RBMS1: variants seen among roughly 807,000 people sequenced by gnomAD.
RBMS1 encodes the protein RNA binding motif single stranded interacting protein 1.
RBMS1 carries 17 observed loss-of-function variants against 62.3 expected under a neutral mutation model. The ratio of observed to expected loss-of-function variants is 0.27; its 90% CI spans 0.19 to 0.41. The LOEUF (loss-of-function observed/expected upper bound fraction) is 0.41. Ranked by LOEUF, RBMS1 falls within the 10% of genes least tolerant of loss-of-function variation. RBMS1 has a pLI of 1.00. For missense variants in RBMS1, 334 were observed against 504.5 expected, an observed-to-expected ratio of 0.66 and a Z score of 3.24; for synonymous variants, 172 against 170.0, an observed-to-expected ratio of 1.01 and a Z score of -0.09.
intron 12 of RBMS1, among the ~76,000 whole-genome samples, chr2:160,276,219 T>A (rs1687823802): frequency 6.6e-6 from 1 of 152,210 alleles, no homozygotes; most frequent in African/African-American, 2.4e-5. Context: ...TATGCTAAAG[T>A]AGTTACAAAG....
At chr2:160,490,471 T>C (rs540561435) in intron 1 of RBMS1, among the ~76,000 whole-genome samples, 103 of 152,252 alleles carry the variant, frequency 6.8e-4, no homozygotes, top group African/African-American at 2.3e-3. Context: ...TGGAGACATA[T>C]TACTTTTTCT....
intron 2 of RBMS1, among the ~76,000 whole-genome samples, chr2:160,357,873 T>G (rs768010863): frequency 6.6e-6 from 1 of 152,158 alleles, no homozygotes; most frequent in Non-Finnish European, 1.5e-5. Context: ...GGTTCTCTAT[T>G]GGGAAGCAGG....
chr2:160,392,715 G>C (rs1172537749), intron 1 of RBMS1, among the ~76,000 whole-genome samples: 1 of 152,132 alleles, frequency 6.6e-6, no homozygotes, highest in African/African-American at 2.4e-5. Context: ...AACATAGTGA[G>C]ATCTTATCTC....
rs1415550918 is a variant in RBMS1 at position 160,300,534 on chromosome 2, A to C, written c.640+117T>G. ...TAAGTCTTATTTCTAAATCCAACAA[A>C]ATGCATCTTAAAGAGTGAAATGAGG... On this transcript the variant is annotated intron_variant, in intron 6 of 13. Transcript: ENST00000348849. 3 of 1,327,186 alleles carry C rather than the reference A, an allele frequency of 2.3e-6. No homozygotes were observed. The African/African-American group carries it at 4.5e-5, about 20-fold the overall frequency. 82.2% of individuals were successfully genotyped at this position (1,327,186 alleles called of 1,614,324 possible).
chr2:160,323,907 T>C (rs1484141211), intron 2 of RBMS1, among the ~76,000 whole-genome samples: 1 of 152,214 alleles, frequency 6.6e-6, no homozygotes, highest in African/African-American at 2.4e-5. Flanking sequence ...TTACTAAAAC[T>C]TCTTTAGTTT....
intron 2 of RBMS1, among the ~76,000 whole-genome samples, chr2:160,324,766 A>C (rs62177269): frequency 0.076 from 11,574 of 151,436 alleles, 622 homozygotes; most frequent in South Asian, 0.19. Flanking sequence ...CATCAACATC[A>C]GAAAACTTAT....
chr2:160,380,391 C>A (rs527242492), intron 1 of RBMS1, among the ~76,000 whole-genome samples: 1 of 152,218 alleles, frequency 6.6e-6, no homozygotes, highest in East Asian at 1.9e-4. Context: ...ACAGGGCAGA[C>A]AGGAACAGCA....
intron 1 of RBMS1, among the ~76,000 whole-genome samples, chr2:160,462,071 G>C (rs1052474512): frequency 6.6e-6 from 1 of 152,230 alleles, no homozygotes; most frequent in Non-Finnish European, 1.5e-5. Context: ...TTTTCAGCTA[G>C]TGGATGCCTC....
chr2:160,435,481 G>C (rs1188769338), intron 1 of RBMS1, among the ~76,000 whole-genome samples: 1 of 152,172 alleles, frequency 6.6e-6, no homozygotes, highest in African/African-American at 2.4e-5. Context: ...TTTCTTCAGA[G>C]TATTTAATAA....
chr2:160,311,828 T>G (rs1689940282), intron 4 of RBMS1, among the ~76,000 whole-genome samples: 1 of 152,222 alleles, frequency 6.6e-6, no homozygotes, highest in Non-Finnish European at 1.5e-5. Context: ...TTTAAAAAAT[T>G]TAATTAATTA....
chr2:160,383,133 C>T (rs1236801963), intron 1 of RBMS1, among the ~76,000 whole-genome samples: 1 of 152,174 alleles, frequency 6.6e-6, no homozygotes, highest in Non-Finnish European at 1.5e-5. Context: ...AATGCATTCT[C>T]TCCCAATTCA....
At chr2:160,352,551 T>C (rs1395011614) in intron 2 of RBMS1, among the ~76,000 whole-genome samples, 3 of 152,148 alleles carry the variant, frequency 2.0e-5, no homozygotes, top group Non-Finnish European at 4.4e-5. Flanking sequence ...ACATCTACAT[T>C]AAGTTGCTTC....
intron 1 of RBMS1, among the ~76,000 whole-genome samples, chr2:160,408,266 G>C (rs1006420147): frequency 6.6e-5 from 10 of 151,662 alleles, no homozygotes; most frequent in African/African-American, 1.7e-4. Flanking sequence ...GACCACTCTG[G>C]CACCTCGGTC....
At chr2:160,472,760 T>A (rs1684972869) in intron 1 of RBMS1, among the ~76,000 whole-genome samples, 2 of 152,202 alleles carry the variant, frequency 1.3e-5, no homozygotes. Context: ...TCTTTGACAG[T>A]CACAGAAATA....
intron 1 of RBMS1, among the ~76,000 whole-genome samples, chr2:160,387,275 A>G (rs532739467): frequency 7.2e-5 from 11 of 152,094 alleles, no homozygotes; most frequent in Non-Finnish European, 1.5e-4. Flanking sequence ...GGCAAGTGAG[A>G]TTACATTACA....
At chr2:160,465,455 C>T (rs534194683) in intron 1 of RBMS1, among the ~76,000 whole-genome samples, 2 of 152,268 alleles carry the variant, frequency 1.3e-5, no homozygotes, top group South Asian at 2.1e-4. Flanking sequence ...AAAGAAGCAC[C>T]GCTTTTTTGG....
Position 160,493,380 on chromosome 2 carries a change from C to T in RBMS1, c.-17G>A, listed in dbSNP as rs1450056176. 11 of 1,612,306 alleles carry T rather than the reference C, an allele frequency of 6.8e-6. No homozygotes were observed. The Admixed American group carries it at 1.5e-4, about 22-fold the overall frequency. On this transcript the variant is annotated 5_prime_UTR_variant, in exon 1 of 14. Transcript: ENST00000348849. ...TTTGCCCATGAAGCTGGAAGGGAGCCTGCCGTGCAGGGTCGCGGACACTTT... is the reference window on the plus strand; with the variant it reads ...TTTGCCCATGAAGCTGGAAGGGAGCTTGCCGTGCAGGGTCGCGGACACTTT...
intron 2 of RBMS1, among the ~76,000 whole-genome samples, chr2:160,334,474 A>G (rs776943809): frequency 2.0e-5 from 3 of 152,220 alleles, no homozygotes; most frequent in Non-Finnish European, 2.9e-5. Flanking sequence ...ACTAAGGCAG[A>G]GGGGACAAAT....
intron 1 of RBMS1, among the ~76,000 whole-genome samples, chr2:160,428,827 T>C (rs1682763988): frequency 6.6e-6 from 1 of 152,228 alleles, no homozygotes; most frequent in African/African-American, 2.4e-5. Context: ...AAGTCTGTAA[T>C]AGCTGTTTTT....
Sources: allele counts gnomAD v4.1 joint callset (sites outside exome capture counted in the v4.1 genomes callset), GRCh38; gene constraint gnomAD v4.1.1; transcripts MANE v1.5; gene names NCBI Gene and HGNC (gene_info 2026-07-23, HGNC 2026-07-21).